AGBL1: variants seen among roughly 807,000 people sequenced by gnomAD.
AGBL1 encodes the protein AGBL carboxypeptidase 1.
A neutral mutation model predicts 118.9 loss-of-function variants in AGBL1; 130 were observed. That is an observed-to-expected ratio of 1.09 (90% CI 0.95 to 1.26). The LOEUF (loss-of-function observed/expected upper bound fraction) is 1.26. AGBL1 is among the 50% of genes most tolerant of loss of function. AGBL1 has a pLI of 0.00. For missense variants in AGBL1, 1,584 were observed against 1,298.1 expected, an observed-to-expected ratio of 1.22 and a Z score of -3.38; for synonymous variants, 555 against 478.9, an observed-to-expected ratio of 1.16 and a Z score of -2.08.
Position 86,910,286 on chromosome 15 carries a change from C to A in AGBL1, c.*2992C>A, listed in dbSNP as rs1035735705. ...CAAAGGCCCTGTGGTAGAGTTAGAG[C>A]TTGAAATAAAATGTTCAGTGTGACT... On this transcript the variant is annotated 3_prime_UTR_variant, in exon 23 of 23. Transcript: ENST00000614907. The A allele has an allele frequency of 6.6e-6, 1 of 152,108 alleles. No homozygotes were observed. The highest frequency in any genetic ancestry group is 1.5e-5 in the Non-Finnish European group (1 of 68,046). 9.4% of individuals were successfully genotyped at this position (152,108 alleles called of 1,614,324 possible).
chr15:86,201,923 G>A (rs540191169), intron 5 of AGBL1, among the ~76,000 whole-genome samples: 15 of 152,192 alleles, frequency 9.9e-5, no homozygotes, highest in African/African-American at 2.9e-4. Context: ...TGTAGGGGGC[G>A]GTGCTGGCAG....
At chr15:86,966,414 T>G (rs758633580) in intron 23 of AGBL1, among the ~76,000 whole-genome samples, 1 of 151,956 alleles carries the variant, frequency 6.6e-6, no homozygotes, top group Non-Finnish European at 1.5e-5. Context: ...CATTTTGGTG[T>G]GCTGCACCCA....
chr15:86,445,328 G>T (rs1447444197), intron 18 of AGBL1, among the ~76,000 whole-genome samples: 3 of 152,216 alleles, frequency 2.0e-5, no homozygotes, highest in Non-Finnish European at 4.4e-5. Context: ...TTGCTATAGC[G>T]ATGCTTCTGG....
chr15:86,201,541 A>G (rs1282602946), intron 5 of AGBL1, among the ~76,000 whole-genome samples: 1 of 152,210 alleles, frequency 6.6e-6, no homozygotes, highest in Non-Finnish European at 1.5e-5. Flanking sequence ...CAATGGGTTG[A>G]CAGATCCTTT....
chr15:86,624,097 G>C (rs1379171791), intron 21 of AGBL1, among the ~76,000 whole-genome samples: 1 of 152,214 alleles, frequency 6.6e-6, no homozygotes, highest in Non-Finnish European at 1.5e-5. Flanking sequence ...AGCATGGAAA[G>C]TCAAAGAAGC....
At chr15:86,997,898 C>T (rs1280618528) in intron 24 of AGBL1, among the ~76,000 whole-genome samples, 34 of 32,750 alleles carry the variant, frequency 1.0e-3, no homozygotes, top group African/African-American at 3.5e-3. Flanking sequence ...AAGACACACA[C>T]ACACACACAC....
intron 22 of AGBL1, among the ~76,000 whole-genome samples, chr15:86,826,482 A>G (rs909309900): frequency 7.2e-5 from 11 of 152,174 alleles, no homozygotes; most frequent in African/African-American, 2.4e-4. Context: ...CACTCCTTTC[A>G]CTAAGTCAGT....
At chr15:86,687,600 T>C (rs1029040863) in intron 22 of AGBL1, among the ~76,000 whole-genome samples, 15 of 152,166 alleles carry the variant, frequency 9.9e-5, no homozygotes, top group African/African-American at 3.4e-4. Flanking sequence ...TCATGGCCTG[T>C]GAATAGACAA....
At position 86,617,864 on chromosome 15, in the gene AGBL1, G is replaced by A. The variant is rs553516396; in HGVS notation, c.2995-56409G>A. On this transcript the variant is annotated intron_variant, in intron 21 of 22. Coordinates refer to ENST00000614907, the MANE Select transcript of AGBL1 (RefSeq NM_001386094.1). The stretch of plus-strand genomic sequence containing the variant: ...GTACTTCATAACAGAAGTTTGATAC[G>A]AAAGTGTTGATTTGCCATTTCAAAA... Among the ~76,000 whole-genome samples the A allele has an allele frequency of 2.0e-4, 31 of 151,988 alleles. No individual in the cohort carries two copies. In the East Asian group the frequency reaches 3.3e-3, roughly 16 times the overall value.
chr15:86,321,614 C>CAA (rs556094157), intron 17 of AGBL1, among the ~76,000 whole-genome samples: 5 of 135,392 alleles, frequency 3.7e-5, no homozygotes, highest in Admixed American at 2.2e-4. Flanking sequence ...ATTAAAAATA[C>CAA]AAAAAAAAAA....
chr15:86,237,359 G>T (rs974269721), intron 6 of AGBL1, among the ~76,000 whole-genome samples: 9 of 152,198 alleles, frequency 5.9e-5, no homozygotes, highest in Admixed American at 2.0e-4. Flanking sequence ...ACGCAGGGCA[G>T]AATTGCTTTC....
At chr15:86,704,321 A>G (rs2086410768) in intron 22 of AGBL1, among the ~76,000 whole-genome samples, 1 of 152,222 alleles carries the variant, frequency 6.6e-6, no homozygotes, top group Admixed American at 6.5e-5. Flanking sequence ...TCTGCACAGC[A>G]AAAGAAATTA....
chr15:86,248,001 A>G (rs2078749695), intron 7 of AGBL1, 122 bp downstream of exon 7: 5 of 1,272,400 alleles, frequency 3.9e-6, no homozygotes, highest in African/African-American at 1.5e-5. Context: ...GTTGCCTGCT[A>G]AGGGCGGATG....
intron 22 of AGBL1, among the ~76,000 whole-genome samples, chr15:86,866,925 G>A (rs2079639722): frequency 1.3e-5 from 2 of 152,202 alleles, no homozygotes; most frequent in Non-Finnish European, 2.9e-5. Context: ...TATCAGTAGA[G>A]CATTTGCAAG....
At chr15:86,947,613 T>C (rs1463054144) in intron 23 of AGBL1, among the ~76,000 whole-genome samples, 1 of 152,186 alleles carries the variant, frequency 6.6e-6, no homozygotes, top group African/African-American at 2.4e-5. Flanking sequence ...TTGTAAGTCA[T>C]ATGATTGCTT....
At chr15:86,172,572 C>T (rs1365558612) in intron 5 of AGBL1, among the ~76,000 whole-genome samples, 1 of 152,158 alleles carries the variant, frequency 6.6e-6, no homozygotes, top group Admixed American at 6.6e-5. Flanking sequence ...CTTTTTAGCT[C>T]AGACATGTGA....
chr15:86,460,213 A>T lies in AGBL1; in HGVS notation c.2556-62597A>T, dbSNP rs1056326894. On this transcript the variant is annotated intron_variant, in intron 18 of 22. Transcript: ENST00000614907. ...AAAAGGAGGCCATTGGATGATAGGC[A>T]TCTCACACCTATCATCTCAGCACTT... Among the ~76,000 whole-genome samples, 5 of 148,820 alleles carry T rather than the reference A, an allele frequency of 3.4e-5. No individual in the cohort carries two copies. The Admixed American group carries it at 3.4e-4, about 10-fold the overall frequency.
intron 18 of AGBL1, among the ~76,000 whole-genome samples, chr15:86,516,661 C>T (rs779274149): frequency 1.3e-5 from 2 of 152,030 alleles, no homozygotes; most frequent in South Asian, 2.1e-4. Flanking sequence ...ATTAGCTGGG[C>T]GTGGCGGCAC....
At chr15:86,576,348 G>A (rs190235949) in intron 21 of AGBL1, among the ~76,000 whole-genome samples, 21 of 152,190 alleles carry the variant, frequency 1.4e-4, no homozygotes, top group Admixed American at 1.0e-3. Context: ...GAATGGATTC[G>A]GAGAGACTTC....
Sources: allele counts gnomAD v4.1 joint callset (sites outside exome capture counted in the v4.1 genomes callset), GRCh38; gene constraint gnomAD v4.1.1; transcripts MANE v1.5; gene names NCBI Gene and HGNC (gene_info 2026-07-23, HGNC 2026-07-21).